The following TAFA4 variants were observed in gnomAD, a reference collection of about 807,000 sequenced individuals.
TAFA4 encodes chemokine-like protein TAFA-4.
In TAFA4, 20 loss-of-function variants were observed where a neutral mutation model predicts 21.1. That is an observed-to-expected ratio of 0.95 (90% confidence interval 0.67 to 1.38). The LOEUF is 1.38. Among genes scored for constraint, TAFA4 ranks in the 40% most tolerant of loss-of-function variants. The pLI is 0.00. For missense variants in TAFA4, 211 were observed against 180.9 expected, an observed-to-expected ratio of 1.17 and a Z score of -0.95; for synonymous variants, 71 against 67.4, an observed-to-expected ratio of 1.05 and a Z score of -0.26.
intron 3 of TAFA4, among the ~76,000 whole-genome samples, chr3:68,782,106 C>T (rs2130436): frequency 0.69 from 104,643 of 152,044 alleles, 36,542 homozygotes; most frequent in East Asian, 0.98. Context: ...CTATATCTGA[C>T]AAGGGTCTAG....
chr3:68,926,365 T>G (rs2090108259), intron 1 of TAFA4, among the ~76,000 whole-genome samples: 1 of 152,190 alleles, frequency 6.6e-6, no homozygotes, highest in African/African-American at 2.4e-5. Flanking sequence ...AACTTTCCTT[T>G]TATATTTTTC....
chr3:68,801,189 G>A (rs967447672), intron 3 of TAFA4, among the ~76,000 whole-genome samples: 2 of 152,172 alleles, frequency 1.3e-5, no homozygotes, highest in Non-Finnish European at 1.5e-5. Context: ...AATAAATATT[G>A]CTTTTCTGAT....
chr3:68,924,008 T>C (rs1337329424), intron 1 of TAFA4, among the ~76,000 whole-genome samples: 1 of 152,168 alleles, frequency 6.6e-6, no homozygotes, highest in Non-Finnish European at 1.5e-5. Flanking sequence ...TTAAATCAGA[T>C]AGCACAAAAA....
intron 1 of TAFA4, among the ~76,000 whole-genome samples, chr3:68,906,233 C>A (rs892834919): frequency 1.3e-5 from 2 of 152,102 alleles, no homozygotes; most frequent in Non-Finnish European, 2.9e-5. Context: ...ATGTCCTGGG[C>A]GATGATACAT....
chr3:68,772,186 T>G (rs971541351), intron 3 of TAFA4, among the ~76,000 whole-genome samples: 3 of 152,230 alleles, frequency 2.0e-5, no homozygotes, highest in Non-Finnish European at 4.4e-5. Context: ...CGAAGAGCCT[T>G]GATCATCCAT....
At chr3:68,796,107 C>A (rs1359669023) in intron 3 of TAFA4, among the ~76,000 whole-genome samples, 2 of 152,242 alleles carry the variant, frequency 1.3e-5, no homozygotes, top group Non-Finnish European at 2.9e-5. Context: ...TGGGGTGACA[C>A]AAGCACCCCT....
At chr3:68,813,280 C>A (rs1179744370) in intron 3 of TAFA4, among the ~76,000 whole-genome samples, 4 of 152,036 alleles carry the variant, frequency 2.6e-5, no homozygotes, top group Non-Finnish European at 4.4e-5. Flanking sequence ...GAAGCAAGAG[C>A]AAACACATTC....
At chr3:68,788,536 C>A (rs193210815) in intron 3 of TAFA4, among the ~76,000 whole-genome samples, 1 of 152,314 alleles carries the variant, frequency 6.6e-6, no homozygotes, top group East Asian at 1.9e-4. Context: ...GCCAAAAAAT[C>A]ATTGACAAGA....
intron 3 of TAFA4, among the ~76,000 whole-genome samples, chr3:68,796,568 A>C (rs1232071222): frequency 6.6e-6 from 1 of 152,224 alleles, no homozygotes; most frequent in Non-Finnish European, 1.5e-5. Flanking sequence ...AAGCTTCATG[A>C]CATTAGATTT....
chr3:68,886,032 T>C (rs2089669327), intron 1 of TAFA4, among the ~76,000 whole-genome samples: 1 of 152,162 alleles, frequency 6.6e-6, no homozygotes, highest in South Asian at 2.1e-4. Flanking sequence ...CTAAGTTAAA[T>C]ACATCCCTCC....
At chr3:68,791,696 CTT>C (rs1468136237) in intron 3 of TAFA4, among the ~76,000 whole-genome samples, 2 of 152,180 alleles carry the variant, frequency 1.3e-5, no homozygotes, top group Admixed American at 1.3e-4. Flanking sequence ...GCCTCACTCT[CTT>C]GTCATGAAGC....
At chr3:68,796,691 A>G (rs1042418900) in intron 3 of TAFA4, among the ~76,000 whole-genome samples, 2 of 152,222 alleles carry the variant, frequency 1.3e-5, no homozygotes, top group African/African-American at 2.4e-5. Context: ...AACAGCTTGA[A>G]AAAGCAACCC....
chr3:68,835,557 C>A (rs1456954503), intron 3 of TAFA4, among the ~76,000 whole-genome samples: 1 of 152,192 alleles, frequency 6.6e-6, no homozygotes. Context: ...TATGATTTCT[C>A]CATCTAAGGT....
intron 4 of TAFA4, among the ~76,000 whole-genome samples, chr3:68,739,773 C>A (rs1559754536): frequency 6.6e-6 from 1 of 152,080 alleles, no homozygotes. Flanking sequence ...AACCCAGAAA[C>A]AAAGTCAAAA....
chr3:68,871,516 C>T (rs975781964), intron 3 of TAFA4, among the ~76,000 whole-genome samples: 3 of 151,988 alleles, frequency 2.0e-5, no homozygotes, highest in Non-Finnish European at 2.9e-5. Flanking sequence ...GACATTGGTC[C>T]GGGCAAAAAT....
chr3:68,859,502 G>C (rs1417925125), intron 3 of TAFA4, among the ~76,000 whole-genome samples: 1 of 152,088 alleles, frequency 6.6e-6, no homozygotes, highest in Non-Finnish European at 1.5e-5. Context: ...ATAAAATAGA[G>C]AGGGCAAAAC....
chr3:68,831,269 T>A (rs1444216723), intron 3 of TAFA4, among the ~76,000 whole-genome samples: 1 of 152,196 alleles, frequency 6.6e-6, no homozygotes, highest in African/African-American at 2.4e-5. Flanking sequence ...ATTGATGCAG[T>A]TTCTTCACAG....
chr3:68,748,365 T>A (rs1702498005), intron 4 of TAFA4, among the ~76,000 whole-genome samples: 1 of 152,214 alleles, frequency 6.6e-6, no homozygotes. Context: ...ACAGACCCTA[T>A]GTCTCATCAC....
intron 3 of TAFA4, among the ~76,000 whole-genome samples, chr3:68,833,856 C>A (rs1427889050): frequency 6.6e-6 from 1 of 152,108 alleles, no homozygotes; most frequent in Non-Finnish European, 1.5e-5. Context: ...ATGCTCTTAC[C>A]ACTCCAAGTT....
Sources: allele counts gnomAD v4.1 joint callset (sites outside exome capture counted in the v4.1 genomes callset), GRCh38; gene constraint gnomAD v4.1.1; transcripts MANE v1.5; gene names NCBI Gene and HGNC (gene_info 2026-07-23, HGNC 2026-07-21).